The following USH2A variants were observed in gnomAD, a reference collection of about 807,000 sequenced individuals.
USH2A encodes the protein usherin, also known as Usher syndrome 2A (autosomal recessive, mild).
Under a neutral mutation model 538.9 loss-of-function variants are expected in USH2A, and 443 were observed. The ratio of observed to expected loss-of-function variants is 0.82; its 90% CI spans 0.76 to 0.89. USH2A has a LOEUF of 0.89. USH2A is among the 40% of genes least tolerant of loss of function. USH2A has a pLI of 0.00. For synonymous variants in USH2A, 2,413 were observed against 2,273.5 expected, an observed-to-expected ratio of 1.06 and a Z score of -1.75; for missense variants, 6,633 against 6,324.8, an observed-to-expected ratio of 1.05 and a Z score of -1.65.
chr1:215,754,281 G>A (rs539457190), intron 58 of USH2A, among the ~76,000 whole-genome samples: 68 of 152,202 alleles, frequency 4.5e-4, no homozygotes, highest in African/African-American at 1.6e-3. Context: ...TCAGTATCAC[G>A]GGTACTCTTC....
rs972903604 is a variant in USH2A at position 216,403,953 on chromosome 1, G to A, written c.651+14561C>T. ...TCACTCTTCTCTCTCCTGACGCCACGTGAGGAAGGTCCTTGCTTTCCCTTC... is the reference window on the plus strand; with the variant it reads ...TCACTCTTCTCTCTCCTGACGCCACATGAGGAAGGTCCTTGCTTTCCCTTC... On this transcript the variant is annotated intron_variant, in intron 3 of 71. Coordinates refer to ENST00000307340, the MANE Select transcript of USH2A (RefSeq NM_206933.4). Among the ~76,000 whole-genome samples the A allele has an allele frequency of 4.6e-5, 7 of 152,036 alleles. 1 individual carries two copies. The highest frequency in any genetic ancestry group is 1.7e-4 in the African/African-American group (7 of 41,396).
intron 47 of USH2A, among the ~76,000 whole-genome samples, chr1:215,833,380 C>A (rs892176577): frequency 2.6e-5 from 4 of 151,444 alleles, no homozygotes; most frequent in Non-Finnish European, 5.9e-5. Context: ...AAAGAGAGTC[C>A]AAAAATGGCC....
chr1:216,369,868 A>T (rs1295543838), intron 3 of USH2A, among the ~76,000 whole-genome samples: 1 of 148,806 alleles, frequency 6.7e-6, no homozygotes, highest in Non-Finnish European at 1.5e-5. Flanking sequence ...GGTTGCAGTG[A>T]GCCAAGATGG....
chr1:215,967,749 A>C (rs1372722385), intron 36 of USH2A, among the ~76,000 whole-genome samples: 1 of 46,024 alleles, frequency 2.2e-5, no homozygotes, highest in African/African-American at 1.1e-4. Flanking sequence ...GCTTCTTTGC[A>C]AAAAAAAAAA....
At chr1:216,371,753 T>C (rs1342527484) in intron 3 of USH2A, among the ~76,000 whole-genome samples, 1 of 152,176 alleles carries the variant, frequency 6.6e-6, no homozygotes. Flanking sequence ...ATGCTTTACC[T>C]GCTGGACAGA....
intron 11 of USH2A, among the ~76,000 whole-genome samples, chr1:216,263,526 T>C (rs1326911380): frequency 6.6e-6 from 1 of 152,132 alleles, no homozygotes; most frequent in Non-Finnish European, 1.5e-5. Context: ...ACAAACCATA[T>C]GACCATCTCA....
At chr1:215,844,074 C>T (rs545692411) in intron 46 of USH2A, among the ~76,000 whole-genome samples, 1 of 152,260 alleles carries the variant, frequency 6.6e-6, no homozygotes, top group South Asian at 2.1e-4. Context: ...CCATCCTCAT[C>T]ACCATCGTTT....
chr1:216,390,515 A>C (rs2039087459), intron 3 of USH2A, among the ~76,000 whole-genome samples: 1 of 152,192 alleles, frequency 6.6e-6, no homozygotes, highest in Non-Finnish European at 1.5e-5. Flanking sequence ...GACTTTTTAA[A>C]TTTTATAATG....
At chr1:215,701,917 G>A (rs185476978) in intron 61 of USH2A, among the ~76,000 whole-genome samples, 84 of 151,868 alleles carry the variant, frequency 5.5e-4, no homozygotes, top group Non-Finnish European at 1.0e-3. Context: ...AGTGTTGATC[G>A]TCTTTACATT....
rs930833026 is a variant in USH2A, at chr1:215,624,280, G to T, written c.*1501C>A. The T allele has an allele frequency of 6.6e-6, 1 of 152,158 alleles. No homozygotes were observed. Among genetic ancestry groups the T allele is most frequent in the Non-Finnish European group, 1.5e-5 (1 of 68,034 alleles). The allele number at this position is 152,158 out of a possible 1,614,324, so 9.4% of individuals were successfully genotyped here. On this transcript the variant is annotated 3_prime_UTR_variant, in exon 72 of 72. Transcript: ENST00000307340. ...GCAAACTTTGTCTAGGAGTTGGTCA[G>T]TCTGAGGAGCTGCTCTCTCACAGAG...
intron 35 of USH2A, among the ~76,000 whole-genome samples, chr1:215,981,707 C>T (rs1239885774): frequency 1.3e-5 from 2 of 152,234 alleles, no homozygotes; most frequent in East Asian, 3.9e-4. Context: ...TCTACTAGTC[C>T]AAGCACCAAA....
chr1:215,729,230 G>A (rs1970556), intron 60 of USH2A, among the ~76,000 whole-genome samples: 95,231 of 151,890 alleles, frequency 0.63, 32,678 homozygotes, highest in Non-Finnish European at 0.78. Flanking sequence ...AACTATGAAG[G>A]GAAGTCCACA....
intron 50 of USH2A, among the ~76,000 whole-genome samples, chr1:215,795,380 T>C (rs1662097322): frequency 6.6e-6 from 1 of 152,170 alleles, no homozygotes; most frequent in Admixed American, 6.5e-5. Context: ...CCCTCTCTTA[T>C]GGTCTGTGTA....
At chr1:216,156,878 C>CTT (rs397844581) in intron 21 of USH2A, among the ~76,000 whole-genome samples, 13 of 143,652 alleles carry the variant, frequency 9.0e-5, no homozygotes, top group African/African-American at 2.0e-4. Context: ...ACTTCTATCT[C>CTT]TTTTTTTTTT....
chr1:216,358,094 G>A (rs2038422109), intron 4 of USH2A, among the ~76,000 whole-genome samples: 1 of 152,134 alleles, frequency 6.6e-6, no homozygotes, highest in South Asian at 2.1e-4. Flanking sequence ...TCCAGGGAAA[G>A]CAAAGACAAG....
chr1:216,245,916 A>G (rs534094572), intron 13 of USH2A, among the ~76,000 whole-genome samples: 14 of 152,318 alleles, frequency 9.2e-5, no homozygotes, highest in South Asian at 8.3e-4. Flanking sequence ...CTGTTAAACA[A>G]CGGATAAGTA....
chr1:216,336,859 C>A (rs1392052401), intron 4 of USH2A, among the ~76,000 whole-genome samples: 1 of 151,452 alleles, frequency 6.6e-6, no homozygotes, highest in African/African-American at 2.4e-5. Flanking sequence ...GCAAAAATTT[C>A]TTTGACAAAC....
At chr1:216,023,687 G>A (rs923902548) in intron 32 of USH2A, among the ~76,000 whole-genome samples, 1 of 151,786 alleles carries the variant, frequency 6.6e-6, no homozygotes, top group African/African-American at 2.4e-5. Flanking sequence ...TATGCACATC[G>A]AAAGTATGCG....
chr1:216,070,057 A>G, intron 30 of USH2A, 44 bp downstream of exon 30: 2 of 1,604,906 alleles, frequency 1.2e-6, no homozygotes, highest in Non-Finnish European at 1.7e-6. Flanking sequence ...ATGCAAACAA[A>G]AAGGAAGTTA....
Sources: gnomAD v4.1 joint callset for allele counts (sites outside exome capture counted in the v4.1 genomes callset) on GRCh38, gnomAD v4.1.1 for gene constraint, MANE v1.5 for transcripts, NCBI Gene and HGNC (gene_info 2026-07-23, HGNC 2026-07-21) for gene names.